FRAS1: variants seen among roughly 807,000 people sequenced by gnomAD.
FRAS1 encodes Fraser extracellular matrix complex subunit 1, also known as extracellular matrix organizing protein FRAS1.
FRAS1 carries 290 observed loss-of-function variants against 435.2 expected under a neutral mutation model. The ratio of observed to expected loss-of-function variants is 0.67; its 90% confidence interval spans 0.61 to 0.73. The LOEUF (loss-of-function observed/expected upper bound fraction) is 0.73, where lower values mean the gene tolerates loss of function less well. Ranked by LOEUF, FRAS1 falls within the 30% of genes least tolerant of loss-of-function variation. FRAS1 has a pLI of 0.00. For missense variants in FRAS1, 4,860 were observed against 5,001.5 expected (o/e 0.97, Z 0.85); for synonymous variants, 1,800 against 1,851.0 (o/e 0.97, Z 0.71).
chr4:78,142,815 A>G (rs1262419667), intron 2 of FRAS1, among the ~76,000 whole-genome samples: 1 of 152,222 alleles, frequency 6.6e-6, no homozygotes, highest in Non-Finnish European at 1.5e-5. Flanking sequence ...TTGGATTTAT[A>G]TTAGTCAAAG....
At chr4:78,531,322 AC>A (rs1241435637) in intron 70 of FRAS1, among the ~76,000 whole-genome samples, 1 of 152,084 alleles carries the variant, frequency 6.6e-6, no homozygotes, top group Non-Finnish European at 1.5e-5. Context: ...CTATTTGAGT[AC>A]CCTTTATTTC....
intron 70 of FRAS1, among the ~76,000 whole-genome samples, chr4:78,527,981 GTTCATC>G (rs1560427217): frequency 6.6e-6 from 1 of 152,100 alleles, no homozygotes; most frequent in Non-Finnish European, 1.5e-5. Flanking sequence ...AGCACAGAGA[GTTCATC>G]CACTGAAGAG....
At chr4:78,296,842 C>A (rs1244070241) in intron 14 of FRAS1, among the ~76,000 whole-genome samples, 1 of 152,190 alleles carries the variant, frequency 6.6e-6, no homozygotes, top group Non-Finnish European at 1.5e-5. Flanking sequence ...CTGCAGCTCT[C>A]CCCATGCCAT....
At chr4:78,094,571 C>T (rs979696965) in intron 2 of FRAS1, among the ~76,000 whole-genome samples, 4 of 151,878 alleles carry the variant, frequency 2.6e-5, no homozygotes, top group African/African-American at 4.8e-5. Context: ...CTAATATATA[C>T]TATGTTGTAG....
intron 2 of FRAS1, among the ~76,000 whole-genome samples, chr4:78,211,727 A>G (rs1431208653): frequency 2.6e-5 from 4 of 152,226 alleles, no homozygotes; most frequent in African/African-American, 4.8e-5. Context: ...AAAATTTGCC[A>G]TTTTAACTGT....
At chr4:78,182,038 C>T in intron 2 of FRAS1, 4 of 1,517,812 alleles carry the variant, frequency 2.6e-6, no homozygotes, top group Non-Finnish European at 3.5e-6. Flanking sequence ...CCTGTAAGTG[C>T]CCAGGCATGA....
In FRAS1 at chr4:78,245,296, T is replaced by C. The variant is rs1380498545; in HGVS notation, c.280T>C (p.Ser94Pro). ...CPECVLRTPG[S>P]CHHEKKIHEH... Reference sequence around the variant, plus strand: ...TGAGTGTGTTTTGAGGACTCCAGGATCTTGCCATCATGAAAAGAAAATCCA... The same window carrying C: ...TGAGTGTGTTTTGAGGACTCCAGGACCTTGCCATCATGAAAAGAAAATCCA... Residue 94 changes from serine (S) to proline (P), a missense_variant, in exon 4 of 74, where the codon TCT (serine) becomes CCT (proline). Ser to Pro is a moderately conservative substitution (Grantham distance 74). Coordinates refer to ENST00000512123, the MANE Select transcript of FRAS1 (RefSeq NM_025074.7). The C allele has an allele frequency of 6.2e-7, 1 of 1,608,110 alleles. No individual in the cohort carries two copies. The highest frequency in any genetic ancestry group is 8.5e-7 in the Non-Finnish European group (1 of 1,177,120).
At chr4:78,367,947 A>C (rs570504420) in intron 22 of FRAS1, among the ~76,000 whole-genome samples, 1 of 152,344 alleles carries the variant, frequency 6.6e-6, no homozygotes, top group African/African-American at 2.4e-5. Context: ...GGCCTAATTA[A>C]TGTGATACTC....
At chr4:78,511,064 T>A (rs1314512030) in intron 63 of FRAS1, among the ~76,000 whole-genome samples, 1 of 152,226 alleles carries the variant, frequency 6.6e-6, no homozygotes, top group African/African-American at 2.4e-5. Context: ...GTTGACTATC[T>A]TACCCCCTTA....
intron 9 of FRAS1, among the ~76,000 whole-genome samples, chr4:78,273,455 G>A (rs541124510): frequency 2.8e-4 from 43 of 152,146 alleles, no homozygotes; most frequent in African/African-American, 6.7e-4. Context: ...TGGGTTTCTC[G>A]TAAATAGCTC....
chr4:78,253,503 C>G (rs1049713949), intron 5 of FRAS1, among the ~76,000 whole-genome samples: 1 of 152,200 alleles, frequency 6.6e-6, no homozygotes, highest in Admixed American at 6.5e-5. Context: ...TCCATGAAAT[C>G]TTCACAGTTT....
intron 2 of FRAS1, among the ~76,000 whole-genome samples, chr4:78,132,897 A>G (rs562754833): frequency 7.9e-5 from 12 of 152,250 alleles, no homozygotes; most frequent in South Asian, 6.2e-4. Flanking sequence ...ACATGTTTAG[A>G]GGAGCTGTCT....
chr4:78,380,344 G>A lies in FRAS1; in HGVS notation c.3563+348G>A, dbSNP rs192909991. On this transcript the variant is annotated intron_variant, in intron 27 of 73. Transcript: ENST00000512123. ...TTCTTCAACATTGGGGCAATGTACT[G>A]GCGACAGAGAGAGAGGATGGAGCAC... 1.4e-4 allele frequency among the ~76,000 whole-genome samples: 3 copies of A among 20,818 alleles called. No individual in the cohort carries two copies. The East Asian group carries it at 2.7e-3, about 19-fold the overall frequency. The allele number at this position is 20,818 out of a possible 152,430, so 13.7% of individuals were successfully genotyped here.
At chr4:78,463,062 T>A (rs1443250059) in intron 47 of FRAS1, among the ~76,000 whole-genome samples, 1 of 152,126 alleles carries the variant, frequency 6.6e-6, no homozygotes, top group Non-Finnish European at 1.5e-5. Context: ...GATTAATACC[T>A]CAAAACCCAG....
intron 2 of FRAS1, among the ~76,000 whole-genome samples, chr4:78,140,898 A>AT (rs1720153823): frequency 6.6e-6 from 1 of 152,070 alleles, no homozygotes; most frequent in South Asian, 2.1e-4. Flanking sequence ...AAAAGAGGAT[A>AT]TTTTGACATT....
At chr4:78,438,772 A>G in intron 39 of FRAS1, 54 bp downstream of exon 39, 1 of 1,530,698 alleles carries the variant, frequency 6.5e-7, no homozygotes. Context: ...GTATGAAAAT[A>G]TTTCAGCAAC....
rs114555894 is a variant in FRAS1 at position 78,432,330 on chromosome 4, G to A, written c.4970-27G>A. 10,553 of 1,565,654 alleles carry A rather than the reference G, an allele frequency of 6.7e-3. 54 individuals carry two copies. Among genetic ancestry groups the A allele is most frequent in the Non-Finnish European group, 8.0e-3 (9,234 of 1,152,466 alleles). On this transcript the variant is annotated intron_variant, in intron 37 of 73. Transcript: ENST00000512123. Reference sequence around the variant, plus strand: ...AAAGCATTATTCCCAGAAGCAACTCGTTTGCAATTTGTTTTATTCTTGGAA... The same window carrying A: ...AAAGCATTATTCCCAGAAGCAACTCATTTGCAATTTGTTTTATTCTTGGAA...
Position 78,445,399 on chromosome 4 carries a change from C to T in FRAS1, c.5666-123C>T. 4 of 1,315,940 alleles carry T rather than the reference C, an allele frequency of 3.0e-6. No individual in the cohort carries two copies. In the East Asian group the frequency reaches 1.1e-4, roughly 35 times the overall value. 81.5% of individuals were successfully genotyped at this position (1,315,940 alleles called of 1,614,324 possible). On this transcript the variant is annotated intron_variant, in intron 41 of 73. Transcript: ENST00000512123. ...CTGGTCTTGTGCTTATCCCACTCTC[C>T]CAACTTTATCCTCAAATACATTTTC... is the stretch of plus-strand genomic sequence containing the variant.
chr4:78,254,173 T>C (rs1725682454), intron 5 of FRAS1, among the ~76,000 whole-genome samples: 1 of 152,188 alleles, frequency 6.6e-6, no homozygotes, highest in African/African-American at 2.4e-5. Flanking sequence ...TTTGTGGATC[T>C]GTGTCCCCTT....
Sources: gnomAD v4.1 joint callset for allele counts (sites outside exome capture counted in the v4.1 genomes callset) on GRCh38, gnomAD v4.1.1 for gene constraint, MANE v1.5 for transcripts, NCBI Gene and HGNC (gene_info 2026-07-23, HGNC 2026-07-21) for gene names.